The following SLFN13 variants were observed in gnomAD, a reference collection of about 807,000 sequenced individuals.
SLFN13 encodes the protein schlafen-13.
SLFN13 carries 43 observed loss-of-function variants against 50.6 expected under a neutral mutation model. The observed-to-expected ratio is 0.85, with a 90% confidence interval of 0.67 to 1.09. SLFN13 has a LOEUF of 1.09. SLFN13 is among the 50% of genes least tolerant of loss of function. SLFN13 has a pLI of 0.00. For synonymous variants in SLFN13, 339 were observed against 386.5 expected (o/e 0.88, Z 1.44); for missense variants, 881 against 1,071.1 (o/e 0.82, Z 2.48).
chr17:35,441,196 A>G lies in SLFN13; in HGVS notation c.2093T>C (p.Leu698Pro), dbSNP rs772768442. 2.5e-6 allele frequency: 4 copies of G among 1,613,960 alleles called. No homozygotes were observed. Among genetic ancestry groups the G allele is most frequent in the East Asian group, 2.2e-5 (1 of 44,904 alleles). Residue 698 changes from leucine to proline, a missense_variant, in exon 6 of 6, where the codon CTC becomes CCC. By Grantham distance (98) the Leu-to-Pro change is moderately conservative. Coordinates refer to ENST00000285013, the MANE Select transcript of SLFN13 (RefSeq NM_144682.6). ...TQREKDCPGV[L>P]WIFLDYFQTS... ...CTGAAAGTAGTCCAGAAAGATCCAG[A>G]GAACTCCTGGACAATCCTTTTCTCT...
Position 35,441,214 on chromosome 17 carries a change from T to C in SLFN13, c.2075A>G (p.Lys692Arg). ...GATCCAGAGAACTCCTGGACAATCC[T>C]TTTCTCTCTGAGTGATGGTTTTTGC... ...RKAKTITQRE[K>R]DCPGVLWIFL... The change falls in exon 6 of 6, where the codon AAG (lysine) becomes AGG (arginine). Residue 692 changes from lysine (K) to arginine (R), a missense_variant. Around this residue, in one of 5 missense-constraint regions of SLFN13, gnomAD observed 322 missense variants for 327.4 expected, o/e 0.98. Transcript: ENST00000285013. 6.2e-7 allele frequency: 1 copy of C among 1,614,060 alleles called. No individual in the cohort carries two copies. The highest frequency in any genetic ancestry group is 8.5e-7 in the Non-Finnish European group (1 of 1,179,968).
chr17:35,440,658 G>A lies in SLFN13; in HGVS notation c.2631C>T (p.Ile877=), dbSNP rs116487923. The change falls in exon 6 of 6, where the codon ATC becomes ATT. Residue 877 remains isoleucine (I), a synonymous_variant. Coordinates refer to ENST00000285013, the MANE Select transcript of SLFN13 (RefSeq NM_144682.6). The part of the protein sequence containing the change: ...GIHPRTADPA[I]LPNILICLAS... ...CCAGACAGATCAGAATATTGGGTAA[G>A]ATAGCTGGGTCAGCTGTCCTTGGAT... The A allele has an allele frequency of 1.2e-5, 20 of 1,614,178 alleles. No homozygotes were observed. In the African/African-American group the frequency reaches 1.6e-4, roughly 13 times the overall value.
In SLFN13 at chr17:35,439,057, G is replaced by A. The variant is rs985663293; in HGVS notation, c.*1538C>T. On this transcript the variant is annotated 3_prime_UTR_variant, in exon 6 of 6. Transcript: ENST00000285013. The stretch of plus-strand genomic sequence containing the variant: ...GAAGACATAGGTGCCAGCAGGGTGG[G>A]GGGGGGGGTTCATTGTGAGGCTTCT... 3.9e-5 allele frequency: 2 copies of A among 51,230 alleles called. No individual in the cohort carries two copies. The highest frequency in any genetic ancestry group is 8.0e-5 in the Non-Finnish European group (2 of 24,880). The allele number at this position is 51,230 out of a possible 1,614,324, so 3.2% of individuals were successfully genotyped here.
At chr17:35,447,514 A>T (rs1364569142) in intron 1 of SLFN13, 100 bp from the exon 2 acceptor site, 1 of 152,152 alleles carries the variant, frequency 6.6e-6, no homozygotes, top group Non-Finnish European at 1.5e-5. Flanking sequence ...AATTAGAGAT[A>T]ATTCTTGCCC....
At chr17:35,446,585 T>C (rs1293727336) in intron 2 of SLFN13, 1 of 152,234 alleles carries the variant, frequency 6.6e-6, no homozygotes, top group Non-Finnish European at 1.5e-5. Context: ...ACTCAGATAG[T>C]TTACAACAAG....
At chr17:35,443,749 G>C (rs1416086853) in intron 4 of SLFN13, 40 bp downstream of exon 4, 21 of 1,588,988 alleles carry the variant, frequency 1.3e-5, no homozygotes, top group Non-Finnish European at 1.8e-5. Flanking sequence ...TGTATTAAAT[G>C]ACTTCCTTCT....
chr17:35,443,800 T>G lies in SLFN13; in HGVS notation c.1187A>C (p.His396Pro), dbSNP rs772091517. 12 of 1,609,968 alleles carry G rather than the reference T, an allele frequency of 7.5e-6. No homozygotes were observed. In the South Asian group the frequency reaches 1.2e-4, roughly 16 times the overall value. ...CTGGCAGTCAGTACCTGGAAATAAATGTTGTTGTAGATCAGCTTTGTGTTC... is the reference window on the plus strand; with the variant it reads ...CTGGCAGTCAGTACCTGGAAATAAAGGTTGTTGTAGATCAGCTTTGTGTTC... The part of the protein sequence containing the change: ...GLEHKADLQQ[H>P]LFPVPPGHLE... Residue 396 changes from histidine (H) to proline (P), a missense_variant, in exon 4 of 6, where the codon CAT becomes CCT. Around this residue, in one of 5 missense-constraint regions of SLFN13, gnomAD observed 497 missense variants for 518.3 expected, o/e 0.96. Transcript: ENST00000285013.
At position 35,436,896 on chromosome 17, in the gene SLFN13, A is replaced by C. The variant is rs866788019; in HGVS notation, c.*3699T>G. ...ACTTTTTCTCTTTTGAGAAAAAAAC[A>C]TAAAGACACTTGAGGCACAACTGAT... On this transcript the variant is annotated 3_prime_UTR_variant, in exon 6 of 6. Coordinates refer to ENST00000285013, the MANE Select transcript of SLFN13 (RefSeq NM_144682.6). 2.0e-5 allele frequency: 3 copies of C among 152,288 alleles called. No homozygotes were observed. Among genetic ancestry groups the C allele is most frequent in the Middle Eastern group, 6.8e-3 (2 of 294 alleles). The allele number at this position is 152,288 out of a possible 1,614,324, so 9.4% of individuals were successfully genotyped here. A position where few individuals can be genotyped will look rare whatever the true frequency, so the allele number is the denominator to read the frequency against.
rs868600145 is a variant in SLFN13, at chr17:35,444,933, C to T, written c.748G>A (p.Asp250Asn). 6.2e-7 allele frequency: 1 copy of T among 1,614,198 alleles called. No individual in the cohort carries two copies. Among genetic ancestry groups the T allele is most frequent in the Non-Finnish European group, 8.5e-7 (1 of 1,180,028 alleles). Residue 250 changes from aspartate to asparagine, a missense_variant, in exon 3 of 6, where the codon GAT (aspartate) becomes AAT (asparagine). By Grantham distance (23) the Asp-to-Asn change is conservative. Around this residue, in one of 5 missense-constraint regions of SLFN13, gnomAD observed 497 missense variants for 518.3 expected, o/e 0.96. Coordinates refer to ENST00000285013, the MANE Select transcript of SLFN13 (RefSeq NM_144682.6). ...CCCAGGACTTTCCTACTCTTATCAT[C>T]CACTCCAATAAAAAGATAGCCTCCC... is the stretch of plus-strand genomic sequence containing the variant. ...TEGGYLFIGV[D>N]DKSRKVLGCA... is the part of the protein sequence containing the mutation.
Position 35,439,023 on chromosome 17 carries a change from C to A in SLFN13, c.*1572G>T, listed in dbSNP as rs1567858852. On this transcript the variant is annotated 3_prime_UTR_variant, in exon 6 of 6. Transcript: ENST00000285013. Reference sequence around the variant, plus strand: ...AAATTTATTTCTCACAGTCTGGGGGCTGGAAGTCGAAGACATAGGTGCCAG... The same window carrying A: ...AAATTTATTTCTCACAGTCTGGGGGATGGAAGTCGAAGACATAGGTGCCAG... The A allele has an allele frequency of 8.8e-6, 1 of 113,446 alleles. No homozygotes were observed. Among genetic ancestry groups the A allele is most frequent in the Non-Finnish European group, 1.8e-5 (1 of 55,394 alleles). The allele number at this position is 113,446 out of a possible 1,614,324, so 7.0% of individuals were successfully genotyped here. A position where few individuals can be genotyped will look rare whatever the true frequency, so the allele number is the denominator to read the frequency against.
Position 35,442,103 on chromosome 17 carries a change from G to A in SLFN13, c.1382C>T (p.Ala461Val). The A allele has an allele frequency of 6.2e-7, 1 of 1,614,270 alleles. No homozygotes were observed. Residue 461 changes from alanine to valine, a missense_variant, in exon 5 of 6, where the codon GCT becomes GTT. Coordinates refer to ENST00000285013, the MANE Select transcript of SLFN13 (RefSeq NM_144682.6). ...LQEKPGVICDALLIAQNSTPI... is the reference protein window; with the variant it reads ...LQEKPGVICDVLLIAQNSTPI... ...GGTGCTGTTCTGTGCTATCAGCAGA[G>A]CATCACAGATGACTCCTGGCTTCTC...
rs1325616095 is a variant in SLFN13, at chr17:35,438,046, A to C, written c.*2549T>G. On this transcript the variant is annotated 3_prime_UTR_variant, in exon 6 of 6. Coordinates refer to ENST00000285013, the MANE Select transcript of SLFN13 (RefSeq NM_144682.6). ...CTTGAGCCCAGGAGTTCAGGGCTCT[A>C]GTGAACTATGATCACACCACTACCC... The C allele has an allele frequency of 2.6e-5, 4 of 151,564 alleles. No individual in the cohort carries two copies. The highest frequency in any genetic ancestry group is 5.9e-5 in the Non-Finnish European group (4 of 67,936). The allele number at this position is 151,564 out of a possible 1,614,324, so 9.4% of individuals were successfully genotyped here. A position where few individuals can be genotyped will look rare whatever the true frequency, so the allele number is the denominator to read the frequency against.
chr17:35,446,999 CT>C (rs909737449), intron 2 of SLFN13: 1 of 152,112 alleles, frequency 6.6e-6, no homozygotes, highest in African/African-American at 2.4e-5. Flanking sequence ...CCCCCATGAA[CT>C]TTATTGTTAA....
In SLFN13 at chr17:35,445,501, C is replaced by T. The variant is rs1913164063; in HGVS notation, c.180G>A (p.Val60=). ...CCCTGTTGGCCATTTCCATCTGAAT[C>T]ACTCCTCCTCCTGAGTTTAATAAAG... ...ACALLNSGGG[V]IQMEMANRDE... Residue 60 remains valine (V), a synonymous_variant, in exon 3 of 6, where the codon GTG becomes GTA. Transcript: ENST00000285013. 6.2e-7 allele frequency: 1 copy of T among 1,614,080 alleles called. No homozygotes were observed. Among genetic ancestry groups the T allele is most frequent in the South Asian group, 1.1e-5 (1 of 91,088 alleles).
upstream of SLFN13, among the ~76,000 whole-genome samples, chr17:35,449,207 T>C (rs1417764238): frequency 1.3e-5 from 2 of 149,772 alleles, no homozygotes; most frequent in African/African-American, 4.9e-5. Context: ...ACCACTGCAC[T>C]CCAGCTTGGG....
Position 35,441,368 on chromosome 17 carries a change from T to C in SLFN13, c.1923-2A>G. 6.3e-7 allele frequency: 1 copy of C among 1,589,756 alleles called. No individual in the cohort carries two copies. The highest frequency in any genetic ancestry group is 8.5e-7 in the Non-Finnish European group (1 of 1,171,980). ...TCTGCTCGGCAGATATTTCTATCAC[T>C]GTAAAAATTAAAAGAATACACTCAG... On this transcript the variant is annotated splice_acceptor_variant, in intron 5 of 5. Transcript: ENST00000285013. LOFTEE classifies it high-confidence loss of function.
In SLFN13 at chr17:35,435,476, A is replaced by T. The variant is rs1236832896; in HGVS notation, c.*5119T>A. On this transcript the variant is annotated 3_prime_UTR_variant, in exon 6 of 6. Coordinates refer to ENST00000285013, the MANE Select transcript of SLFN13 (RefSeq NM_144682.6). ...TTATTTTATTTTTTGTAGAGCCAGG[A>T]TCTTGCTATGTTGCCAAGGCTTGTC... 6.6e-6 allele frequency: 1 copy of T among 151,904 alleles called. No homozygotes were observed. The highest frequency in any genetic ancestry group is 1.5e-5 in the Non-Finnish European group (1 of 67,992). 9.4% of individuals were successfully genotyped at this position (151,904 alleles called of 1,614,324 possible).
chr17:35,449,759 A>G (rs578025652), upstream of SLFN13, among the ~76,000 whole-genome samples: 74 of 152,346 alleles, frequency 4.9e-4, 1 homozygote, highest in South Asian at 0.014. Flanking sequence ...TAACACGAGC[A>G]GTGTGACGGT....
upstream of SLFN13, chr17:35,448,781 G>T (rs1479744660): frequency 1.3e-5 from 2 of 152,298 alleles, no homozygotes; most frequent in East Asian, 1.9e-4. Context: ...AGGCGCCAAG[G>T]TCAGGTTCTT....
Sources: gnomAD v4.1 joint callset for allele counts (sites outside exome capture counted in the v4.1 genomes callset) on GRCh38, gnomAD v4.1.1 for gene constraint, gnomAD v4.1.1 regional missense constraint, MANE v1.5 for transcripts, NCBI Gene and HGNC (gene_info 2026-07-23, HGNC 2026-07-21) for gene names.